Variants in SH3KBP1 observed in about 807,000 individuals in gnomAD.
SH3KBP1 encodes SH3 domain-containing kinase-binding protein 1.
SH3KBP1 carries 8 observed loss-of-function variants against 50.1 expected under a neutral mutation model. The observed-to-expected ratio is 0.16, with a 90% confidence interval of 0.09 to 0.29. The LOEUF (loss-of-function observed/expected upper bound fraction) is 0.29. Among genes scored for constraint, SH3KBP1 ranks in the 10% least tolerant of loss-of-function variants. SH3KBP1 has a pLI of 1.00. For synonymous variants in SH3KBP1, 227 were observed against 218.6 expected, an observed-to-expected ratio of 1.04 and a Z score of -0.34; for missense variants, 377 against 535.2, an observed-to-expected ratio of 0.70 and a Z score of 2.92.
intron 6 of SH3KBP1, among the ~76,000 whole-genome samples, chrX:19,657,294 T>C (rs1409399961): frequency 9.4e-6 from 1 of 106,483 alleles, no homozygotes; most frequent in Admixed American, 1.0e-4. Flanking sequence ...GGCGGGAAGA[T>C]CGCTTGAGCC....
intron 2 of SH3KBP1, among the ~76,000 whole-genome samples, chrX:19,815,458 C>T (rs1206939288): frequency 9.0e-6 from 1 of 111,473 alleles, no homozygotes; most frequent in Non-Finnish European, 1.9e-5. Context: ...TGGTACAATA[C>T]TGTTCACTAC....
Position 19,847,816 on chromosome X carries a change from G to A in SH3KBP1, c.5-11534C>T, listed in dbSNP as rs141432106. On this transcript the variant is annotated intron_variant, in intron 1 of 17. Transcript: ENST00000397821. ...CTAGTCAAGTATCTACTTCACAAAT[G>A]TTTTCTTAATCAACTACATTGTAAA... Among the ~76,000 whole-genome samples the A allele has an allele frequency of 7.7e-3, 861 of 112,278 alleles. 11 individuals carry two copies. Among genetic ancestry groups the A allele is most frequent in the African/African-American group, 0.027 (824 of 30,863 alleles).
At chrX:19,872,252 C>CAAAAAAAAAAAAAAAAA in intron 1 of SH3KBP1, among the ~76,000 whole-genome samples, 1 of 37,967 alleles carries the variant, frequency 2.6e-5, no homozygotes, top group Non-Finnish European at 4.6e-5. Flanking sequence ...AACTTCATCT[C>CAAAAAAAAAAAAAAAAA]AAAAAAAAAA....
chrX:19,729,565 T>C (rs758074764), intron 3 of SH3KBP1, among the ~76,000 whole-genome samples: 16 of 112,443 alleles, frequency 1.4e-4, no homozygotes, highest in South Asian at 3.7e-4. Flanking sequence ...AGAGTTAAAC[T>C]GCAAAAGCAT....
At chrX:19,736,754 G>A (rs943998245) in intron 3 of SH3KBP1, among the ~76,000 whole-genome samples, 3 of 111,594 alleles carry the variant, frequency 2.7e-5, no homozygotes, top group African/African-American at 6.5e-5. Context: ...GCTGCACATG[G>A]CATCAGAGAG....
At chrX:19,747,726 C>A (rs2064958088) in intron 2 of SH3KBP1, 2 of 338,393 alleles carry the variant, frequency 5.9e-6, no homozygotes, top group South Asian at 5.3e-5. Context: ...TCCTCCCTCA[C>A]CAGGGCCCCA....
chrX:19,850,543 G>A (rs1199493526), intron 1 of SH3KBP1, among the ~76,000 whole-genome samples: 3 of 111,847 alleles, frequency 2.7e-5, no homozygotes, highest in Admixed American at 9.5e-5. Context: ...AGATCTATGA[G>A]TGTGGACAAG....
intron 5 of SH3KBP1, among the ~76,000 whole-genome samples, chrX:19,691,398 TA>T: frequency 9.7e-6 from 1 of 103,072 alleles, no homozygotes; most frequent in Admixed American, 1.1e-4. Context: ...TATATATATA[TA>T]TTTTCAGGTT....
intron 1 of SH3KBP1, among the ~76,000 whole-genome samples, chrX:19,839,061 T>C (rs868437748): frequency 1.0e-3 from 112 of 110,539 alleles, no homozygotes; most frequent in Middle Eastern, 4.6e-3. Flanking sequence ...ATTCATAATA[T>C]GGGTTTCTTT....
At chrX:19,859,762 A>AT (rs2147506755) in intron 1 of SH3KBP1, among the ~76,000 whole-genome samples, 1 of 110,638 alleles carries the variant, frequency 9.0e-6, no homozygotes, top group East Asian at 2.9e-4. Flanking sequence ...TTGGACAAGT[A>AT]TAATAGGTTG....
intron 1 of SH3KBP1, among the ~76,000 whole-genome samples, chrX:19,848,711 G>A (rs12007447): frequency 0.042 from 4,745 of 111,661 alleles, 223 homozygotes; most frequent in African/African-American, 0.13. Context: ...GACAATCAAC[G>A]TTTTGCAACC....
At chrX:19,561,629 G>A (rs1329395251) in intron 13 of SH3KBP1, among the ~76,000 whole-genome samples, 1 of 111,051 alleles carries the variant, frequency 9.0e-6, no homozygotes, top group Non-Finnish European at 1.9e-5. Flanking sequence ...GCACGTGTCT[G>A]CGCCAAGGTT....
chrX:19,545,191 A>G (rs73457618), intron 15 of SH3KBP1, among the ~76,000 whole-genome samples: 2,604 of 112,138 alleles, frequency 0.023, 75 homozygotes, highest in African/African-American at 0.08. Context: ...CTGCTTTTAG[A>G]CAGAAAGAAG....
At chrX:19,588,827 CAGAT>C in intron 11 of SH3KBP1, 25 bp from the exon 12 acceptor site, 2 of 1,092,651 alleles carry the variant, frequency 1.8e-6, no homozygotes, top group Non-Finnish European at 2.4e-6. Flanking sequence ...TTAAAGAAAA[CAGAT>C]AGATCGAGTG....
intron 13 of SH3KBP1, 139 bp downstream of exon 13, chrX:19,568,964 A>G (rs1018514239): frequency 4.0e-6 from 2 of 505,738 alleles, no homozygotes; most frequent in African/African-American, 4.6e-5. Flanking sequence ...CAAAACTGTA[A>G]CACCTAAAGC....
At chrX:19,774,393 C>T (rs779827134) in intron 2 of SH3KBP1, among the ~76,000 whole-genome samples, 39 of 110,940 alleles carry the variant, frequency 3.5e-4, no homozygotes, top group Middle Eastern at 4.2e-3. Context: ...CCTAAGCCGC[C>T]GGGCGCGGTG....
intron 9 of SH3KBP1, among the ~76,000 whole-genome samples, chrX:19,606,081 A>G (rs2067236798): frequency 8.9e-6 from 1 of 112,147 alleles, no homozygotes; most frequent in East Asian, 2.8e-4. Context: ...CGTGGTAAAT[A>G]GTAATTATAA....
At chrX:19,576,393 G>A (rs2066199654) in intron 12 of SH3KBP1, among the ~76,000 whole-genome samples, 1 of 110,989 alleles carries the variant, frequency 9.0e-6, no homozygotes, top group South Asian at 3.8e-4. Context: ...AACAGCTACT[G>A]TTTACTGAAT....
intron 2 of SH3KBP1, among the ~76,000 whole-genome samples, chrX:19,814,249 C>T (rs1404395926): frequency 9.0e-6 from 1 of 111,353 alleles, no homozygotes; most frequent in Non-Finnish European, 1.9e-5. Context: ...CACTGCCACC[C>T]CCTGGTCTCC....
Sources: allele counts gnomAD v4.1 joint callset (sites outside exome capture counted in the v4.1 genomes callset), GRCh38; gene constraint gnomAD v4.1.1; transcripts MANE v1.5; gene names NCBI Gene and HGNC (gene_info 2026-07-23, HGNC 2026-07-21).